Variants in CDH11 observed in about 807,000 individuals in gnomAD.
The protein encoded by CDH11 is cadherin 11.
A neutral mutation model predicts 67.8 loss-of-function variants in CDH11; 11 were observed. The ratio of observed to expected loss-of-function variants is 0.16; its 90% CI spans 0.10 to 0.27. CDH11 has a LOEUF of 0.27. CDH11 is among the 10% of genes least tolerant of loss of function. The pLI, the probability that CDH11 is intolerant of heterozygous loss-of-function variation, is 1.00. For missense variants in CDH11, 847 were observed against 1,031.2 expected (o/e 0.82, Z 2.45); for synonymous variants, 419 against 400.0 (o/e 1.05, Z -0.57).
At chr16:65,015,198 G>T (rs917942199) in intron 2 of CDH11, among the ~76,000 whole-genome samples, 2 of 151,876 alleles carry the variant, frequency 1.3e-5, no homozygotes, top group African/African-American at 4.8e-5. Flanking sequence ...TTCAGAAACA[G>T]TGGAAAGATG....
At chr16:65,041,594 T>C (rs932541593) in intron 2 of CDH11, among the ~76,000 whole-genome samples, 1 of 152,172 alleles carries the variant, frequency 6.6e-6, no homozygotes, top group Non-Finnish European at 1.5e-5. Flanking sequence ...AAGAATAAAG[T>C]GGATTAAGTG....
intron 1 of CDH11, among the ~76,000 whole-genome samples, chr16:65,085,455 G>A (rs2074680973): frequency 6.6e-6 from 1 of 152,132 alleles, no homozygotes. Context: ...GCCAAATAAT[G>A]TATATAACTG....
At chr16:65,100,131 T>C (rs2074965368) in intron 1 of CDH11, among the ~76,000 whole-genome samples, 2 of 152,168 alleles carry the variant, frequency 1.3e-5, no homozygotes, top group African/African-American at 4.8e-5. Flanking sequence ...AAAGTTAATG[T>C]GTGATCATTT....
rs577233553 is a variant in CDH11 at position 65,091,674 on chromosome 16, C to T, written c.-298+30206G>A. Among the ~76,000 whole-genome samples the T allele has an allele frequency of 2.4e-4, 37 of 151,918 alleles. 1 individual carries two copies. In the South Asian group the frequency reaches 7.1e-3, roughly 29 times the overall value. Reference sequence around the variant, plus strand: ...TCACGCCATTCTCCTGCCTCAGCCTCCCGAGTAGCTGAGACTACAGGCGCC... The same window carrying T: ...TCACGCCATTCTCCTGCCTCAGCCTTCCGAGTAGCTGAGACTACAGGCGCC... On this transcript the variant is annotated intron_variant, in intron 1 of 12. Transcript: ENST00000268603.
Position 65,079,897 on chromosome 16 carries a change from T to A in CDH11, c.-297-25969A>T, listed in dbSNP as rs564102801. Reference sequence around the variant, plus strand: ...TGATCCATCTCCTGGAAACATCTCTTTTCTTTGCACAGCTCTCAGCTCAAA... The same window carrying A: ...TGATCCATCTCCTGGAAACATCTCTATTCTTTGCACAGCTCTCAGCTCAAA... On this transcript the variant is annotated intron_variant, in intron 1 of 12. Transcript: ENST00000268603. Among the ~76,000 whole-genome samples the A allele has an allele frequency of 3.3e-5, 5 of 152,334 alleles. No individual in the cohort carries two copies. The South Asian group carries it at 1.0e-3, about 32-fold the overall frequency.
At position 64,994,822 on chromosome 16, in the gene CDH11, G is replaced by A. The variant is rs371050346; in HGVS notation, c.524-1788C>T. ...ATACCTAGAAAACTCTAAAGACTCT[G>A]CCAAAAGGCTCTTAGAACTGATCAA... is the stretch of plus-strand genomic sequence containing the variant. On this transcript the variant is annotated intron_variant, in intron 4 of 12. Coordinates refer to ENST00000268603, the MANE Select transcript of CDH11 (RefSeq NM_001797.4). Among the ~76,000 whole-genome samples, 21 of 152,276 alleles carry A rather than the reference G, an allele frequency of 1.4e-4. No individual in the cohort carries two copies. The East Asian group carries it at 2.5e-3, about 18-fold the overall frequency.
At chr16:65,070,235 A>T (rs2074393088) in intron 1 of CDH11, among the ~76,000 whole-genome samples, 2 of 152,204 alleles carry the variant, frequency 1.3e-5, no homozygotes, top group Admixed American at 1.3e-4. Context: ...GGATATTCAG[A>T]CACCTCACAC....
At chr16:65,086,788 C>T (rs1454924033) in intron 1 of CDH11, among the ~76,000 whole-genome samples, 2 of 152,142 alleles carry the variant, frequency 1.3e-5, no homozygotes, top group Admixed American at 6.5e-5. Flanking sequence ...TTATAAAACT[C>T]TCATAAAACA....
At chr16:65,102,065 A>G (rs530335985) in intron 1 of CDH11, among the ~76,000 whole-genome samples, 5 of 152,322 alleles carry the variant, frequency 3.3e-5, no homozygotes, top group African/African-American at 1.2e-4. Flanking sequence ...CTCAGGTTGC[A>G]TAGTAGAATT....
chr16:65,098,896 A>C (rs1368243281), intron 1 of CDH11, among the ~76,000 whole-genome samples: 1 of 152,130 alleles, frequency 6.6e-6, no homozygotes, highest in South Asian at 2.1e-4. Flanking sequence ...TCTAAATATC[A>C]GCACCTAAAT....
Position 64,946,041 on chromosome 16 carries a change from A to C in CDH11, c.*1562T>G. 2 of 1,057,132 alleles carry C rather than the reference A, an allele frequency of 1.9e-6. No individual in the cohort carries two copies. The allele number at this position is 1,057,132 out of a possible 1,614,324, so 65.5% of individuals were successfully genotyped here. A position where few individuals can be genotyped will look rare whatever the true frequency, so the allele number is the denominator to read the frequency against. On this transcript the variant is annotated 3_prime_UTR_variant, in exon 13 of 13. Coordinates refer to ENST00000268603, the MANE Select transcript of CDH11 (RefSeq NM_001797.4). The stretch of plus-strand genomic sequence containing the variant: ...ATCCCCAAGAAACTAGCTGGAATGC[A>C]GGGGACTGTAGACACACTCCTGGAC...
chr16:64,947,124 T>C lies in CDH11; in HGVS notation c.*479A>G. 9.6e-7 allele frequency: 1 copy of C among 1,037,446 alleles called. No homozygotes were observed. Among genetic ancestry groups the C allele is most frequent in the Non-Finnish European group, 1.2e-6 (1 of 859,426 alleles). 64.3% of individuals were successfully genotyped at this position (1,037,446 alleles called of 1,614,324 possible). ...TACATTGTATTGTACATACATTGTA[T>C]GGGTTTAAGCTGGCTGAATATTATA... On this transcript the variant is annotated 3_prime_UTR_variant, in exon 13 of 13. Coordinates refer to ENST00000268603, the MANE Select transcript of CDH11 (RefSeq NM_001797.4).
At position 65,005,004 on chromosome 16, in the gene CDH11, C is replaced by T; in HGVS notation, c.-135G>A. The T allele has an allele frequency of 7.1e-7, 1 of 1,414,058 alleles. No individual in the cohort carries two copies. Among genetic ancestry groups the T allele is most frequent in the Middle Eastern group, 2.3e-4 (1 of 4,274 alleles). 87.6% of individuals were successfully genotyped at this position (1,414,058 alleles called of 1,614,324 possible). A position where few individuals can be genotyped will look rare whatever the true frequency, so the allele number is the denominator to read the frequency against. ...GGATGGAATGTCTCTGCTGGTTGAG[C>T]TCATCACGTCAGGGCTGCCCACGTC... is the stretch of plus-strand genomic sequence containing the variant. On this transcript the variant is annotated 5_prime_UTR_variant, in exon 3 of 13. Coordinates refer to ENST00000268603, the MANE Select transcript of CDH11 (RefSeq NM_001797.4).
chr16:65,076,840 C>T (rs1413014492), intron 1 of CDH11, among the ~76,000 whole-genome samples: 5 of 152,088 alleles, frequency 3.3e-5, no homozygotes, highest in Non-Finnish European at 1.5e-5. Context: ...AAACCATGTC[C>T]CTGCAAGAGA....
intron 9 of CDH11, among the ~76,000 whole-genome samples, chr16:64,972,340 GCCTGATCC>G (rs1264591880): frequency 6.6e-6 from 1 of 152,172 alleles, no homozygotes; most frequent in Non-Finnish European, 1.5e-5. Flanking sequence ...CTATCATGGA[GCCTGATCC>G]CCAGAGAGAT....
intron 8 of CDH11, among the ~76,000 whole-genome samples, chr16:64,977,683 T>C (rs183589855): frequency 4.6e-5 from 7 of 152,272 alleles, no homozygotes; most frequent in Admixed American, 3.9e-4. Flanking sequence ...CAAAATGAAC[T>C]CAAGACAGAT....
intron 1 of CDH11, chr16:65,071,976 T>C (rs999715146): frequency 2.0e-5 from 3 of 152,264 alleles, no homozygotes; most frequent in Admixed American, 6.5e-5. Flanking sequence ...TGCTGGGTAG[T>C]AGTAACTGGC....
At chr16:64,973,376 T>A (rs1338819666) in intron 8 of CDH11, among the ~76,000 whole-genome samples, 1 of 152,242 alleles carries the variant, frequency 6.6e-6, no homozygotes, top group African/African-American at 2.4e-5. Context: ...GAGTTTGCCT[T>A]GCTCCCAAAC....
At chr16:65,056,900 G>T (rs752163845) in intron 1 of CDH11, among the ~76,000 whole-genome samples, 3 of 152,088 alleles carry the variant, frequency 2.0e-5, no homozygotes, top group Admixed American at 6.6e-5. Flanking sequence ...TTCACCAAAA[G>T]CCTAGGCAGT....
Sources: allele counts gnomAD v4.1 joint callset (sites outside exome capture counted in the v4.1 genomes callset), GRCh38; gene constraint gnomAD v4.1.1; transcripts MANE v1.5; gene names NCBI Gene and HGNC (gene_info 2026-07-23, HGNC 2026-07-21).